Variants in PDZRN4 observed in about 807,000 individuals in gnomAD.
PDZRN4 encodes the protein PDZ domain-containing RING finger protein 4.
A neutral mutation model predicts 99.0 loss-of-function variants in PDZRN4; 70 were observed. The observed-to-expected ratio is 0.71, with a 90% CI of 0.58 to 0.86. The LOEUF (loss-of-function observed/expected upper bound fraction) is 0.86. PDZRN4 is among the 40% of genes least tolerant of loss of function. PDZRN4 has a pLI of 0.00. For missense variants in PDZRN4, 1,474 were observed against 1,331.2 expected (o/e 1.11, Z -1.67); for synonymous variants, 551 against 501.6 (o/e 1.10, Z -1.32).
intron 3 of PDZRN4, among the ~76,000 whole-genome samples, chr12:41,387,049 C>T (rs1952175075): frequency 6.6e-6 from 1 of 152,122 alleles, no homozygotes; most frequent in Admixed American, 6.5e-5. Flanking sequence ...ATCATTCAGA[C>T]ATAGGCACGA....
At chr12:41,223,172 C>T (rs1950969827) in intron 3 of PDZRN4, among the ~76,000 whole-genome samples, 1 of 152,112 alleles carries the variant, frequency 6.6e-6, no homozygotes, top group African/African-American at 2.4e-5. Context: ...CTATGAGAAG[C>T]AACACCTTGA....
At chr12:41,299,218 A>T (rs996137794) in intron 3 of PDZRN4, among the ~76,000 whole-genome samples, 2 of 152,134 alleles carry the variant, frequency 1.3e-5, no homozygotes, top group African/African-American at 4.8e-5. Flanking sequence ...ATAATCAGTC[A>T]AAAACTTTCT....
At chr12:41,489,137 G>T (rs1388942628) in intron 3 of PDZRN4, among the ~76,000 whole-genome samples, 1 of 149,178 alleles carries the variant, frequency 6.7e-6, no homozygotes, top group Non-Finnish European at 1.5e-5. Flanking sequence ...TGTATTTTAT[G>T]TGTGGCCCAA....
intron 3 of PDZRN4, among the ~76,000 whole-genome samples, chr12:41,267,489 A>G: frequency 6.6e-6 from 1 of 152,140 alleles, no homozygotes; most frequent in South Asian, 2.1e-4. Flanking sequence ...AGAGGTTAGA[A>G]ATGTCCTTTC....
intron 3 of PDZRN4, among the ~76,000 whole-genome samples, chr12:41,197,925 T>TC (rs1950787448): frequency 7.4e-6 from 1 of 135,042 alleles, no homozygotes; most frequent in African/African-American, 2.7e-5. Flanking sequence ...TCTGGGTTTT[T>TC]TTTTTTGGAG....
At chr12:41,276,008 T>C (rs1299802504) in intron 3 of PDZRN4, among the ~76,000 whole-genome samples, 8 of 152,188 alleles carry the variant, frequency 5.3e-5, no homozygotes, top group Admixed American at 2.0e-4. Context: ...TATATGCTTT[T>C]CTATCTTGGT....
At chr12:41,438,862 T>C (rs1952653995) in intron 3 of PDZRN4, among the ~76,000 whole-genome samples, 1 of 152,198 alleles carries the variant, frequency 6.6e-6, no homozygotes, top group Admixed American at 6.5e-5. Context: ...AAAGTTTATT[T>C]CTCCCTTCTT....
At chr12:41,296,442 T>C (rs1334009462) in intron 3 of PDZRN4, among the ~76,000 whole-genome samples, 2 of 152,166 alleles carry the variant, frequency 1.3e-5, no homozygotes, top group Admixed American at 6.6e-5. Flanking sequence ...TAACTTCTTC[T>C]TATTATAAAG....
intron 3 of PDZRN4, among the ~76,000 whole-genome samples, chr12:41,452,208 T>C (rs1292331605): frequency 2.7e-5 from 4 of 149,932 alleles, no homozygotes; most frequent in African/African-American, 9.9e-5. Context: ...GGCAGGCGAA[T>C]CACAAGGTCA....
intron 3 of PDZRN4, among the ~76,000 whole-genome samples, chr12:41,231,299 T>A (rs1319659959): frequency 1.3e-5 from 2 of 152,118 alleles, no homozygotes; most frequent in Non-Finnish European, 2.9e-5. Context: ...AAAATATATG[T>A]ATGTTAACAT....
intron 3 of PDZRN4, among the ~76,000 whole-genome samples, chr12:41,387,112 T>C (rs1426326431): frequency 1.3e-5 from 2 of 152,058 alleles, no homozygotes; most frequent in African/African-American, 4.8e-5. Flanking sequence ...AATCAAAAAT[T>C]CACAAATAGG....
chr12:41,287,474 T>C (rs1280297325), intron 3 of PDZRN4, among the ~76,000 whole-genome samples: 1 of 152,240 alleles, frequency 6.6e-6, no homozygotes, highest in Non-Finnish European at 1.5e-5. Flanking sequence ...GGTGTTAAAA[T>C]AGGAAATTAC....
At chr12:41,378,825 C>T (rs1311011095) in intron 3 of PDZRN4, among the ~76,000 whole-genome samples, 1 of 152,004 alleles carries the variant, frequency 6.6e-6, no homozygotes, top group African/African-American at 2.4e-5. Context: ...GCCCAGCCTC[C>T]CTCTTCAATT....
chr12:41,413,892 G>A (rs1023545942), intron 3 of PDZRN4, among the ~76,000 whole-genome samples: 1 of 151,940 alleles, frequency 6.6e-6, no homozygotes, highest in African/African-American at 2.4e-5. Context: ...TCTATTGTGT[G>A]GTTATTTTAA....
chr12:41,521,902 C>T (rs1037244003), intron 5 of PDZRN4, among the ~76,000 whole-genome samples: 15 of 151,912 alleles, frequency 9.9e-5, no homozygotes, highest in African/African-American at 3.6e-4. Flanking sequence ...ATGTGATTAC[C>T]TGTGGTTTAT....
At chr12:41,256,813 A>G (rs1239929777) in intron 3 of PDZRN4, among the ~76,000 whole-genome samples, 2 of 152,158 alleles carry the variant, frequency 1.3e-5, no homozygotes, top group Non-Finnish European at 2.9e-5. Context: ...TCATCTGCCT[A>G]TCTCAGGGAA....
intron 3 of PDZRN4, among the ~76,000 whole-genome samples, chr12:41,451,598 A>G (rs184590363): frequency 1.3e-5 from 2 of 152,354 alleles, no homozygotes; most frequent in East Asian, 3.9e-4. Context: ...AAAATCAAAC[A>G]AAAGAGTGAC....
At chr12:41,254,115 A>G (rs1951188977) in intron 3 of PDZRN4, among the ~76,000 whole-genome samples, 1 of 151,982 alleles carries the variant, frequency 6.6e-6, no homozygotes, top group East Asian at 1.9e-4. Context: ...AAGGTGGTAA[A>G]TTAAATATGT....
chr12:41,397,821 C>G (rs1169454044), intron 3 of PDZRN4, among the ~76,000 whole-genome samples: 5 of 152,054 alleles, frequency 3.3e-5, no homozygotes, highest in Non-Finnish European at 4.4e-5. Context: ...TTTTAAGTCA[C>G]TTATATTTTT....
Sources: allele counts gnomAD v4.1 joint callset (sites outside exome capture counted in the v4.1 genomes callset), GRCh38; gene constraint gnomAD v4.1.1; transcripts MANE v1.5; gene names NCBI Gene and HGNC (gene_info 2026-07-23, HGNC 2026-07-21).